Variants in DLGAP5 observed in about 807,000 individuals in gnomAD.
The protein encoded by DLGAP5 is disks large-associated protein 5.
A neutral mutation model predicts 99.6 loss-of-function variants in DLGAP5; 90 were observed. That is an observed-to-expected ratio of 0.90 (90% confidence interval 0.76 to 1.08). DLGAP5 has a LOEUF of 1.08. Among genes scored for constraint, DLGAP5 ranks in the 50% least tolerant of loss-of-function variants. The pLI, the probability that DLGAP5 is intolerant of heterozygous loss-of-function variation, is 0.00. For synonymous variants in DLGAP5, 311 were observed against 321.3 expected, an observed-to-expected ratio of 0.97 and a Z score of 0.34; for missense variants, 1,036 against 983.5, an observed-to-expected ratio of 1.05 and a Z score of -0.71.
At chr14:55,153,220 C>T (rs1465503075) in intron 15 of DLGAP5, among the ~76,000 whole-genome samples, 3 of 152,138 alleles carry the variant, frequency 2.0e-5, no homozygotes, top group Admixed American at 6.5e-5. Context: ...TATTCTAATC[C>T]TGAAGTTACT....
chr14:55,157,899 A>T (rs1882268942), intron 14 of DLGAP5, among the ~76,000 whole-genome samples: 1 of 152,216 alleles, frequency 6.6e-6, no homozygotes. Context: ...AGTAGGTGGG[A>T]CTACAGGCAT....
chr14:55,188,026 T>C (rs1221587702), intron 2 of DLGAP5, among the ~76,000 whole-genome samples: 2 of 152,230 alleles, frequency 1.3e-5, no homozygotes, highest in African/African-American at 4.8e-5. Context: ...CATACTGAGA[T>C]AGTTAGACTT....
At chr14:55,179,317 G>A (rs1314660077) in intron 7 of DLGAP5, among the ~76,000 whole-genome samples, 1 of 152,144 alleles carries the variant, frequency 6.6e-6, no homozygotes, top group Non-Finnish European at 1.5e-5. Flanking sequence ...TGAATCCAAA[G>A]TCAATGCATT....
Position 55,179,715 on chromosome 14 carries a change from A to T in DLGAP5, c.704-16T>A. ...GGTTCGTTTTCTAAAACAACAATAA[A>T]ATATTTATTTTACTAGATAGAAATG... On this transcript the variant is annotated splice_polypyrimidine_tract_variant and intron_variant, in intron 6 of 18. Transcript: ENST00000247191. 6.3e-7 allele frequency: 1 copy of T among 1,597,056 alleles called. No homozygotes were observed.
At chr14:55,188,849 C>A in intron 2 of DLGAP5, 93 bp downstream of exon 2, 6 of 774,000 alleles carry the variant, frequency 7.8e-6, no homozygotes, top group Admixed American at 3.0e-5. Context: ...TATTTCAAAA[C>A]TCTTCTGGCC....
At chr14:55,187,483 T>A (rs1883471700) in intron 2 of DLGAP5, among the ~76,000 whole-genome samples, 1 of 152,078 alleles carries the variant, frequency 6.6e-6, no homozygotes, top group East Asian at 1.9e-4. Flanking sequence ...CACACCCAGC[T>A]AATTTTTTTA....
intron 13 of DLGAP5, among the ~76,000 whole-genome samples, chr14:55,159,124 C>T (rs1479867130): frequency 6.9e-6 from 1 of 144,490 alleles, no homozygotes; most frequent in African/African-American, 2.5e-5. Context: ...ATAAGGATGA[C>T]ACCTAAACCA....
chr14:55,177,580 C>T (rs1330090276), intron 7 of DLGAP5, among the ~76,000 whole-genome samples: 1 of 151,802 alleles, frequency 6.6e-6, no homozygotes, highest in Non-Finnish European at 1.5e-5. Flanking sequence ...CTCCGTCGCC[C>T]AGGCTGGAGT....
Position 55,177,083 on chromosome 14 carries a change from C to A in DLGAP5, c.1028G>T (p.Trp343Leu). Residue 343 changes from tryptophan (W) to leucine (L), a missense_variant, in exon 8 of 19, where the codon TGG becomes TTG. Transcript: ENST00000247191. ...TTACACTTCTGTTTTTAAAGGAGTC[C>A]AGGTGTAACTGGGTGTCAAAAAAGC... ...ANAFLTPSYT[W>L]TPLKTEVDES... The A allele has an allele frequency of 6.7e-7, 1 of 1,490,568 alleles. No homozygotes were observed. The highest frequency in any genetic ancestry group is 1.4e-5 in the African/African-American group (1 of 69,464). 92.3% of individuals were successfully genotyped at this position (1,490,568 alleles called of 1,614,324 possible).
At chr14:55,182,583 C>G in intron 3 of DLGAP5, 151 bp from the exon 4 acceptor site, 1 of 561,192 alleles carries the variant, frequency 1.8e-6, no homozygotes, top group Non-Finnish European at 3.0e-6. Flanking sequence ...TTTTCTGGTT[C>G]TAGCTTGATT....
At chr14:55,191,234 AGGTCAATTACGCCCC>A in intron 1 of DLGAP5, 1 of 152,368 alleles carries the variant, frequency 6.6e-6, no homozygotes, top group East Asian at 1.9e-4. Context: ...TTCACCCCAA[AGGTCAATTACGCCCC>A]GGTGGTGAAA....
chr14:55,148,543 C>A, intron 18 of DLGAP5, 70 bp from the exon 19 acceptor site: 1 of 1,610,750 alleles, frequency 6.2e-7, no homozygotes, highest in Non-Finnish European at 8.5e-7. Context: ...CTTCAACATT[C>A]TATAGTGGAT....
In DLGAP5 at chr14:55,175,534, C is replaced by T; in HGVS notation, c.1175-62G>A. On this transcript the variant is annotated intron_variant, in intron 9 of 18. Coordinates refer to ENST00000247191, the MANE Select transcript of DLGAP5 (RefSeq NM_014750.5). ...AGCAACAATTCCTAAAATGACAGCC[C>T]CTAAAAAGACATTTTAAAAATCCTT... The T allele has an allele frequency of 4.1e-6, 4 of 974,966 alleles. No individual in the cohort carries two copies. In the East Asian group the frequency reaches 1.1e-4, roughly 28 times the overall value. 60.4% of individuals were successfully genotyped at this position (974,966 alleles called of 1,614,324 possible).
intron 15 of DLGAP5, among the ~76,000 whole-genome samples, chr14:55,153,280 C>T (rs768364164): frequency 1.1e-4 from 16 of 152,192 alleles, no homozygotes; most frequent in Non-Finnish European, 2.1e-4. Context: ...CCTTGGCTCA[C>T]GCCTGTAATC....
Position 55,182,448 on chromosome 14 carries a change from A to G in DLGAP5, c.433-16T>C, listed in dbSNP as rs1427742437. ...ATGGAATAGCCTTAGAACAGTCAAA[A>G]GAAGATGAACTTAAAATATGAACTG... is the stretch of plus-strand genomic sequence containing the variant. On this transcript the variant is annotated splice_polypyrimidine_tract_variant and intron_variant, in intron 3 of 18. Coordinates refer to ENST00000247191, the MANE Select transcript of DLGAP5 (RefSeq NM_014750.5). 1 of 1,594,436 alleles carries G rather than the reference A, an allele frequency of 6.3e-7. No homozygotes were observed. The highest frequency in any genetic ancestry group is 8.5e-7 in the Non-Finnish European group (1 of 1,174,446).
chr14:55,155,407 C>A (rs1882177259), intron 14 of DLGAP5, among the ~76,000 whole-genome samples: 1 of 147,260 alleles, frequency 6.8e-6, no homozygotes, highest in African/African-American at 2.5e-5. Context: ...AGTGTAATGG[C>A]ATGATCTTGG....
At chr14:55,191,068 C>T (rs1471331533) in intron 1 of DLGAP5, 1 of 152,182 alleles carries the variant, frequency 6.6e-6, no homozygotes. Flanking sequence ...TCCACACACA[C>T]CTAAATTTTG....
chr14:55,180,946 G>A (rs1345937972), intron 5 of DLGAP5, among the ~76,000 whole-genome samples, 168 bp from the exon 6 acceptor site: 3 of 152,064 alleles, frequency 2.0e-5, no homozygotes, highest in East Asian at 1.9e-4. Context: ...GTGAGACCCC[G>A]TCTCTACAAA....
At chr14:55,153,556 A>T (rs1294497084) in intron 15 of DLGAP5, among the ~76,000 whole-genome samples, 1 of 143,116 alleles carries the variant, frequency 7.0e-6, no homozygotes, top group Non-Finnish European at 1.5e-5. Flanking sequence ...AAAAAAAAAA[A>T]TTTATCTCCA....
Sources: gnomAD v4.1 joint callset for allele counts (sites outside exome capture counted in the v4.1 genomes callset) on GRCh38, gnomAD v4.1.1 for gene constraint, MANE v1.5 for transcripts, NCBI Gene and HGNC (gene_info 2026-07-23, HGNC 2026-07-21) for gene names.